EFHC1: variants seen among roughly 807,000 people sequenced by gnomAD.
The protein encoded by EFHC1 is EF-hand domain-containing protein 1.
In EFHC1, 53 loss-of-function variants were observed where a neutral mutation model predicts 69.9. The ratio of observed to expected loss-of-function variants is 0.76; its 90% CI spans 0.61 to 0.95. The LOEUF (loss-of-function observed/expected upper bound fraction) is 0.95. Among genes scored for constraint, EFHC1 ranks in the 40% least tolerant of loss-of-function variants. The pLI, the probability that EFHC1 is intolerant of heterozygous loss-of-function variation, is 0.00. For synonymous variants in EFHC1, 256 were observed against 278.4 expected (o/e 0.92, Z 0.80); for missense variants, 739 against 798.7 (o/e 0.93, Z 0.90).
Position 52,493,432 on chromosome 6 carries a change from T to C in EFHC1, c.*1091T>C. 2.7e-6 allele frequency: 1 copy of C among 375,856 alleles called. No homozygotes were observed. Among genetic ancestry groups the C allele is most frequent in the Admixed American group, 3.4e-5 (1 of 29,584 alleles). 23.3% of individuals were successfully genotyped at this position (375,856 alleles called of 1,614,324 possible). ...ACACACACGCTTATATGTATACATA[T>C]AGTATGTATATGTGTATATATATTA... is the stretch of plus-strand genomic sequence containing the variant. On this transcript the variant is annotated 3_prime_UTR_variant, in exon 11 of 11. Transcript: ENST00000371068.
In EFHC1 at chr6:52,469,714, A is replaced by G. The variant is rs569193643; in HGVS notation, c.1278+241A>G. ...TCTTTCTTAAGATCATTAATCTCTC[A>G]CTCTTACACCTCAAATGTTGACAGA... On this transcript the variant is annotated intron_variant, in intron 7 of 10. Coordinates refer to ENST00000371068, the MANE Select transcript of EFHC1 (RefSeq NM_018100.4). Among the ~76,000 whole-genome samples the G allele has an allele frequency of 9.9e-5, 15 of 151,966 alleles. No homozygotes were observed. The South Asian group carries it at 3.1e-3, about 32-fold the overall frequency.
rs137852777 is a variant in EFHC1 at position 52,452,742 on chromosome 6, G to A, written c.628G>A (p.Asp210Asn). 1.1e-5 allele frequency: 17 copies of A among 1,614,176 alleles called. No individual in the cohort carries two copies. In the Admixed American group the frequency reaches 2.5e-4, roughly 24 times the overall value. The change falls in exon 4 of 11, where the codon GAT (aspartate) becomes AAT (asparagine). Residue 210 changes from aspartate to asparagine, a missense_variant. Asp to Asn is a conservative substitution (Grantham distance 23, BLOSUM62 1). Coordinates refer to ENST00000371068, the MANE Select transcript of EFHC1 (RefSeq NM_018100.4). ...ELNPPEKMAL[D>N]PYTELRKQPL... ...AAATCCACCAGAGAAGATGGCTCTT[G>A]ATCCTTACACTGAACTCCGAAAACA... is the stretch of plus-strand genomic sequence containing the variant.
At chr6:52,433,002 A>T (rs1451467971) in intron 2 of EFHC1, among the ~76,000 whole-genome samples, 1 of 151,722 alleles carries the variant, frequency 6.6e-6, no homozygotes. Context: ...AGCAGTTTGC[A>T]TTTCTATAAG....
At chr6:52,443,554 C>T (rs1764712634) in intron 3 of EFHC1, among the ~76,000 whole-genome samples, 1 of 152,234 alleles carries the variant, frequency 6.6e-6, no homozygotes, top group South Asian at 2.1e-4. Flanking sequence ...AATCCTTTCC[C>T]CATTGCTTGT....
intron 7 of EFHC1, among the ~76,000 whole-genome samples, chr6:52,474,461 C>G (rs572971320): frequency 5.3e-5 from 8 of 152,270 alleles, no homozygotes; most frequent in Admixed American, 5.2e-4. Flanking sequence ...ATACTCTTTA[C>G]TAAGAGAGTA....
rs762459533 is a variant in EFHC1, at chr6:52,454,041, A to G, written c.724-54A>G. On this transcript the variant is annotated intron_variant, in intron 4 of 10. Coordinates refer to ENST00000371068, the MANE Select transcript of EFHC1 (RefSeq NM_018100.4). ...TGATACATAATTGCCAAAGTAGCCA[A>G]GTTGAACTCCCTACTTTTAGGATTC... The G allele has an allele frequency of 2.5e-6, 4 of 1,610,902 alleles. No homozygotes were observed. In the South Asian group the frequency reaches 3.3e-5, roughly 13 times the overall value.
intron 9 of EFHC1, chr6:52,486,006 CA>C (rs1013287424): frequency 6.6e-6 from 1 of 152,156 alleles, no homozygotes; most frequent in Admixed American, 6.5e-5. Context: ...GGAGACGATA[CA>C]AATCCACTGT....
chr6:52,494,089 T>TCA lies in EFHC1; in HGVS notation c.*1749_*1750insAC, dbSNP rs58779695. On this transcript the variant is annotated 3_prime_UTR_variant, in exon 11 of 11. Transcript: ENST00000371068. The stretch of plus-strand genomic sequence containing the variant: ...GCTCATAACTATTTAAAACAGTATC[T>TCA]CTTTCAAGTACAGATGCTCCTCTAC... 403,128 of 453,910 alleles carry TCA rather than the reference T, an allele frequency of 0.89. 179,337 individuals carry two copies. Among genetic ancestry groups the TCA allele is most frequent in the East Asian group, 0.96 (13,825 of 14,384 alleles). The allele number at this position is 453,910 out of a possible 1,614,324, so 28.1% of individuals were successfully genotyped here.
Position 52,493,382 on chromosome 6 carries a change from A to ATATATATATATATATATATATATATATT in EFHC1, c.*1044_*1045insATATATATATATATATATATATATTTAT, listed in dbSNP as rs1765959076. On this transcript the variant is annotated 3_prime_UTR_variant, in exon 11 of 11. Coordinates refer to ENST00000371068, the MANE Select transcript of EFHC1 (RefSeq NM_018100.4). The stretch of plus-strand genomic sequence containing the variant: ...TCTCTCTACATATATATATATATAT[A>ATATATATATATATATATATATATATATT]TATTTTATATGTACACATTCATACA... The ATATATATATATATATATATATATATATT allele has an allele frequency of 4.5e-6, 1 of 222,138 alleles. No individual in the cohort carries two copies. Among genetic ancestry groups the ATATATATATATATATATATATATATATT allele is most frequent in the African/African-American group, 2.5e-5 (1 of 39,262 alleles). 13.8% of individuals were successfully genotyped at this position (222,138 alleles called of 1,614,324 possible). A position where few individuals can be genotyped will look rare whatever the true frequency, so the allele number is the denominator to read the frequency against.
At chr6:52,491,621 A>T (rs747667618) in intron 10 of EFHC1, among the ~76,000 whole-genome samples, 11 of 152,252 alleles carry the variant, frequency 7.2e-5, no homozygotes, top group Non-Finnish European at 1.3e-4. Flanking sequence ...TCTCTACGAC[A>T]ATTACTACTG....
In EFHC1 at chr6:52,479,185, A is replaced by G; in HGVS notation, c.1427A>G (p.Tyr476Cys). The change falls in exon 8 of 11, where the codon TAC becomes TGC. Residue 476 changes from tyrosine (Y) to cysteine (C), a missense_variant. Physicochemically the swap from Tyr to Cys is radical, Grantham distance 194. Transcript: ENST00000371068. ...GGCAGGACTAAAGTTGTTAAACCAT[A>G]CTCTACAGTGGACAACCCTGTCTAC... is the stretch of plus-strand genomic sequence containing the variant. ...YLGRTKVVKP[Y>C]STVDNPVYYG... 6.2e-7 allele frequency: 1 copy of G among 1,613,926 alleles called. No individual in the cohort carries two copies. Among genetic ancestry groups the G allele is most frequent in the Non-Finnish European group, 8.5e-7 (1 of 1,179,980 alleles).
In EFHC1 at chr6:52,493,397, ACATT is replaced by A. The variant is rs1765962241; in HGVS notation, c.*1060_*1063del. On this transcript the variant is annotated 3_prime_UTR_variant, in exon 11 of 11. Transcript: ENST00000371068. ...ATATATATATATATTTTATATGTAC[ACATT>A]CATACACACACACGCTTATATGTAT... 5.3e-6 allele frequency: 1 copy of A among 187,432 alleles called. No individual in the cohort carries two copies. Among genetic ancestry groups the A allele is most frequent in the Non-Finnish European group, 1.1e-5 (1 of 94,256 alleles). 11.6% of individuals were successfully genotyped at this position (187,432 alleles called of 1,614,324 possible).
chr6:52,477,289 A>G (rs1183586645), intron 7 of EFHC1, among the ~76,000 whole-genome samples: 1 of 152,224 alleles, frequency 6.6e-6, no homozygotes, highest in Non-Finnish European at 1.5e-5. Context: ...AGACTATTAG[A>G]TGAAGGAATG....
chr6:52,493,671 A>G lies in EFHC1; in HGVS notation c.*1330A>G, dbSNP rs1464849479. The G allele has an allele frequency of 1.1e-5, 5 of 451,808 alleles. No homozygotes were observed. The highest frequency in any genetic ancestry group is 4.7e-5 in the Admixed American group (2 of 42,318). 28.0% of individuals were successfully genotyped at this position (451,808 alleles called of 1,614,324 possible). A position where few individuals can be genotyped will look rare whatever the true frequency, so the allele number is the denominator to read the frequency against. ...ACTCCATCTCAAAAAAAAAAAGGTT[A>G]GAAAAATGCTGCTTTTAGAGAGCCT... On this transcript the variant is annotated 3_prime_UTR_variant, in exon 11 of 11. Coordinates refer to ENST00000371068, the MANE Select transcript of EFHC1 (RefSeq NM_018100.4).
chr6:52,455,304 G>A (rs1461691488), intron 5 of EFHC1, among the ~76,000 whole-genome samples: 2 of 151,970 alleles, frequency 1.3e-5, no homozygotes, highest in African/African-American at 4.8e-5. Flanking sequence ...CTGTAAATGT[G>A]TTCACTGATT....
chr6:52,486,211 A>C (rs903362763), intron 9 of EFHC1: 1 of 152,148 alleles, frequency 6.6e-6, no homozygotes, highest in African/African-American at 2.4e-5. Flanking sequence ...TGAAATTTGG[A>C]GTTGGCCATT....
intron 1 of EFHC1, 63 bp from the exon 2 acceptor site, chr6:52,423,883 T>G: frequency 1.3e-6 from 2 of 1,504,174 alleles, no homozygotes; most frequent in Non-Finnish European, 1.8e-6. Context: ...TAAAAGTTAG[T>G]TTTTTTTTTA....
chr6:52,457,112 G>A (rs1325071344), intron 5 of EFHC1, among the ~76,000 whole-genome samples: 2 of 152,166 alleles, frequency 1.3e-5, no homozygotes, highest in East Asian at 3.8e-4. Context: ...CATTTCACAT[G>A]CTAAATGCTA....
intron 1 of EFHC1, among the ~76,000 whole-genome samples, chr6:52,423,109 G>A (rs898181474): frequency 5.3e-5 from 8 of 152,088 alleles, no homozygotes; most frequent in Non-Finnish European, 7.4e-5. Context: ...ATAAATGGTC[G>A]GGGTAGAATT....
Sources: gnomAD v4.1 joint callset for allele counts (sites outside exome capture counted in the v4.1 genomes callset) on GRCh38, gnomAD v4.1.1 for gene constraint, MANE v1.5 for transcripts, NCBI Gene and HGNC (gene_info 2026-07-23, HGNC 2026-07-21) for gene names.